ERI1: variants seen among roughly 807,000 people sequenced by gnomAD.
ERI1 encodes the protein exoribonuclease 1.
ERI1 carries 39 observed loss-of-function variants against 39.7 expected under a neutral mutation model. That is an observed-to-expected ratio of 0.98 (90% confidence interval 0.76 to 1.28). The LOEUF is 1.28. Among genes scored for constraint, ERI1 ranks in the 50% most tolerant of loss-of-function variants. The pLI is 0.00. For synonymous variants in ERI1, 204 were observed against 149.6 expected (o/e 1.36, Z -2.65); for missense variants, 581 against 416.9 (o/e 1.39, Z -3.43).
At chr8:9,040,628 G>C (rs1797986229) in intron 3 of ERI1, among the ~76,000 whole-genome samples, 1 of 152,070 alleles carries the variant, frequency 6.6e-6, no homozygotes, top group South Asian at 2.1e-4. Context: ...GTGGCCCTAG[G>C]GTTAGACATA....
At chr8:9,023,979 T>C (rs1818202595) in intron 6 of ERI1, among the ~76,000 whole-genome samples, 1 of 151,918 alleles carries the variant, frequency 6.6e-6, no homozygotes, top group African/African-American at 2.4e-5. Flanking sequence ...TTTTGTATTT[T>C]TTAGTAGAGA....
intron 6 of ERI1, among the ~76,000 whole-genome samples, chr8:9,028,973 GTTTTTTT>G (rs34569795): frequency 3.5e-5 from 4 of 113,104 alleles, no homozygotes; most frequent in Non-Finnish European, 7.2e-5. Context: ...GAGTGTGAGA[GTTTTTTT>G]TTTTTTTTTT....
At chr8:9,071,344 T>C (rs1799045305) in intron 3 of ERI1, among the ~76,000 whole-genome samples, 1 of 152,174 alleles carries the variant, frequency 6.6e-6, no homozygotes, top group Non-Finnish European at 1.5e-5. Context: ...AGTTATTACA[T>C]TTGGGAGTAG....
intron 3 of ERI1, among the ~76,000 whole-genome samples, chr8:9,057,183 C>T (rs1397146709): frequency 2.0e-5 from 3 of 152,046 alleles, no homozygotes; most frequent in East Asian, 1.9e-4. Flanking sequence ...CTCGCTCTGT[C>T]GCCCAGGCTG....
chr8:9,035,204 C>G (rs1035593591), downstream of ERI1, among the ~76,000 whole-genome samples: 1 of 152,204 alleles, frequency 6.6e-6, no homozygotes, highest in East Asian at 1.9e-4. Flanking sequence ...GCTAAGTTAT[C>G]TAGCTAAGAT....
At chr8:9,026,299 C>T (rs979447322) in intron 6 of ERI1, among the ~76,000 whole-genome samples, 2 of 152,154 alleles carry the variant, frequency 1.3e-5, no homozygotes, top group South Asian at 2.1e-4. Context: ...AGTTCAGTGG[C>T]ATTAAGTACA....
Position 9,011,663 on chromosome 8 carries a change from G to A in ERI1, c.409G>A (p.Ala137Thr), listed in dbSNP as rs1816684707. 1 of 1,613,482 alleles carries A rather than the reference G, an allele frequency of 6.2e-7. No individual in the cohort carries two copies. Among genetic ancestry groups the A allele is most frequent in the African/African-American group, 1.3e-5 (1 of 74,904 alleles). ...YDYICIIDFEATCEEGNPPEF... is the reference protein window; with the variant it reads ...YDYICIIDFETTCEEGNPPEF... ...CTACATTTGTATTATTGACTTTGAA[G>A]CCACTTGTGAAGAAGGAAACCCACC... is the stretch of plus-strand genomic sequence containing the variant. Residue 137 changes from alanine to threonine, a missense_variant, in exon 3 of 7, where the codon GCC becomes ACC. Transcript: ENST00000250263.
intron 3 of ERI1, among the ~76,000 whole-genome samples, chr8:9,097,982 G>A (rs1799931729): frequency 6.6e-6 from 1 of 152,200 alleles, no homozygotes; most frequent in Admixed American, 6.5e-5. Context: ...AACCTGAGTG[G>A]AATTGGAGAC....
At chr8:9,066,270 C>G (rs983358335) in intron 3 of ERI1, among the ~76,000 whole-genome samples, 1 of 152,212 alleles carries the variant, frequency 6.6e-6, no homozygotes, top group Non-Finnish European at 1.5e-5. Context: ...TCCCCTTTCT[C>G]CACCTGCACA....
intron 6 of ERI1, among the ~76,000 whole-genome samples, chr8:9,024,259 A>C (rs1818231731): frequency 6.6e-6 from 1 of 152,236 alleles, no homozygotes; most frequent in East Asian, 1.9e-4. Flanking sequence ...GAAACAATAT[A>C]AATAAAAATA....
chr8:9,062,439 A>T (rs1277825931), intron 3 of ERI1, among the ~76,000 whole-genome samples: 2 of 151,324 alleles, frequency 1.3e-5, no homozygotes, highest in Middle Eastern at 3.2e-3. Flanking sequence ...AGGTGGGGAT[A>T]ACTAAAAAAG....
chr8:9,037,191 C>T (rs566625128), downstream of ERI1, among the ~76,000 whole-genome samples: 83 of 152,262 alleles, frequency 5.5e-4, no homozygotes, highest in Non-Finnish European at 9.8e-4. Context: ...CATATAAGAA[C>T]CTTCACAGTC....
intron 3 of ERI1, among the ~76,000 whole-genome samples, chr8:9,070,738 C>G (rs549133781): frequency 1.2e-3 from 185 of 152,350 alleles, no homozygotes; most frequent in African/African-American, 4.4e-3. Flanking sequence ...CTGAAAGAAT[C>G]TGGTTCAAGT....
At chr8:9,014,673 G>T (rs1217958646) in intron 3 of ERI1, among the ~76,000 whole-genome samples, 1 of 152,082 alleles carries the variant, frequency 6.6e-6, no homozygotes, top group East Asian at 1.9e-4. Flanking sequence ...ATAATTATAA[G>T]GGAAGTTGCA....
chr8:9,097,684 A>AG (rs1491379224), intron 3 of ERI1, among the ~76,000 whole-genome samples: 1 of 151,282 alleles, frequency 6.6e-6, no homozygotes, highest in African/African-American at 2.4e-5. Context: ...AAAAAAAAAA[A>AG]GAGTAATTTA....
At chr8:9,078,990 T>G (rs1367300849) in intron 3 of ERI1, among the ~76,000 whole-genome samples, 2 of 152,066 alleles carry the variant, frequency 1.3e-5, no homozygotes, top group Non-Finnish European at 2.9e-5. Flanking sequence ...CTGGCAAGAT[T>G]ATGAGCTCTA....
At chr8:9,024,558 T>C (rs1048032195) in intron 6 of ERI1, among the ~76,000 whole-genome samples, 1 of 152,042 alleles carries the variant, frequency 6.6e-6, no homozygotes, top group Non-Finnish European at 1.5e-5. Flanking sequence ...GTAGCTGAGA[T>C]TACAGGTGCC....
intron 6 of ERI1, among the ~76,000 whole-genome samples, chr8:9,026,864 A>G (rs1451810579): frequency 6.6e-6 from 1 of 152,220 alleles, no homozygotes; most frequent in Admixed American, 6.5e-5. Flanking sequence ...ACGTTAAAAA[A>G]AAAAAAATCC....
In ERI1 at chr8:9,098,978, C is replaced by T. The variant is rs189308435; in HGVS notation, n.300-17370C>T. 4.7e-4 allele frequency among the ~76,000 whole-genome samples: 71 copies of T among 152,046 alleles called. 1 individual carries two copies. The East Asian group carries it at 9.9e-3, about 21-fold the overall frequency. On this transcript the variant is annotated intron_variant and non_coding_transcript_variant, in intron 3 of 3. Transcript: ENST00000518663. ...CTTCCCGAGTAGCTGGGATTATAGG[C>T]GCCCCCCCACCACATCCGGCTAATT...
Sources: allele counts gnomAD v4.1 joint callset (sites outside exome capture counted in the v4.1 genomes callset), GRCh38; gene constraint gnomAD v4.1.1; transcripts MANE v1.5; gene names NCBI Gene and HGNC (gene_info 2026-07-23, HGNC 2026-07-21).